FSTL5: variants seen among roughly 807,000 people sequenced by gnomAD.
The protein encoded by FSTL5 is follistatin like 5, also known as follistatin-related protein 5.
Under a neutral mutation model 89.1 loss-of-function variants are expected in FSTL5, and 62 were observed. The ratio of observed to expected loss-of-function variants is 0.70; its 90% CI spans 0.57 to 0.86. FSTL5 has a LOEUF of 0.86. Among genes scored for constraint, FSTL5 ranks in the 40% least tolerant of loss-of-function variants. The pLI is 0.00. For missense variants in FSTL5, 1,057 were observed against 1,001.6 expected (o/e 1.06, Z -0.75); for synonymous variants, 383 against 346.2 (o/e 1.11, Z -1.18).
chr4:161,387,607 A>T (rs1486101404), intron 15 of FSTL5: 1 of 152,044 alleles, frequency 6.6e-6, no homozygotes, highest in Non-Finnish European at 1.5e-5. Context: ...ATATCTCTTT[A>T]AAATTTTAAA....
chr4:161,396,514 C>T (rs1458046251), intron 15 of FSTL5, among the ~76,000 whole-genome samples: 6 of 149,892 alleles, frequency 4.0e-5, no homozygotes, highest in East Asian at 2.0e-4. Context: ...ATTAGCTAGA[C>T]GTGGTGGCAT....
intron 3 of FSTL5, among the ~76,000 whole-genome samples, chr4:161,974,175 C>T (rs1578907297): frequency 6.6e-6 from 1 of 152,208 alleles, no homozygotes; most frequent in Admixed American, 6.5e-5. Context: ...TGAAAATGGC[C>T]ATACTGCCCA....
chr4:161,802,076 T>C (rs1408505875), intron 4 of FSTL5, among the ~76,000 whole-genome samples: 1 of 151,720 alleles, frequency 6.6e-6, no homozygotes, highest in Non-Finnish European at 1.5e-5. Flanking sequence ...ATTCTGTTCA[T>C]GAAAAGAAGC....
intron 15 of FSTL5, among the ~76,000 whole-genome samples, chr4:161,443,557 G>A (rs1459488576): frequency 6.6e-6 from 1 of 151,750 alleles, no homozygotes; most frequent in African/African-American, 2.4e-5. Context: ...TCCTATTGGA[G>A]CCTGGAATTG....
rs371351449 is a variant in FSTL5 at position 161,823,376 on chromosome 4, C to T, written c.410-47302G>A. 4.6e-5 allele frequency among the ~76,000 whole-genome samples: 7 copies of T among 152,288 alleles called. No homozygotes were observed. In the East Asian group the frequency reaches 7.8e-4, roughly 17 times the overall value. On this transcript the variant is annotated intron_variant, in intron 4 of 15. Coordinates refer to ENST00000306100, the MANE Select transcript of FSTL5 (RefSeq NM_020116.5). Reference sequence around the variant, plus strand: ...TCAGAGCCCCCTGGCCTCCCTCCCTCGTCAATGCCAAAAGTTTCAGAGGGG... The same window carrying T: ...TCAGAGCCCCCTGGCCTCCCTCCCTTGTCAATGCCAAAAGTTTCAGAGGGG...
chr4:161,695,424 CGTGT>C (rs151205054), intron 6 of FSTL5, among the ~76,000 whole-genome samples: 3 of 134,248 alleles, frequency 2.2e-5, no homozygotes, highest in African/African-American at 5.4e-5. Context: ...CCATGGTGTA[CGTGT>C]GTGTGTGTGT....
intron 3 of FSTL5, among the ~76,000 whole-genome samples, chr4:161,958,559 A>C (rs1735087293): frequency 6.6e-6 from 1 of 152,140 alleles, no homozygotes; most frequent in South Asian, 2.1e-4. Context: ...GAACAATGTG[A>C]AATTTGGCCC....
chr4:162,136,296 G>GT (rs1264676407), intron 1 of FSTL5, among the ~76,000 whole-genome samples: 1 of 152,104 alleles, frequency 6.6e-6, no homozygotes, highest in Non-Finnish European at 1.5e-5. Context: ...GGGCAAGACT[G>GT]TAAGGGATGA....
chr4:161,527,534 A>C (rs1253511685), intron 10 of FSTL5, among the ~76,000 whole-genome samples: 1 of 152,200 alleles, frequency 6.6e-6, no homozygotes, highest in Non-Finnish European at 1.5e-5. Context: ...GCCAAAAAAC[A>C]CATGAAAAAA....
At chr4:162,066,184 T>G (rs1042841140) in intron 2 of FSTL5, among the ~76,000 whole-genome samples, 4 of 152,006 alleles carry the variant, frequency 2.6e-5, no homozygotes, top group African/African-American at 4.8e-5. Context: ...ATCTCTGAAT[T>G]TATTGAATAT....
chr4:161,674,170 A>C (rs1737219372), intron 6 of FSTL5, among the ~76,000 whole-genome samples: 1 of 152,116 alleles, frequency 6.6e-6, no homozygotes, highest in African/African-American at 2.4e-5. Context: ...GAAGCTTTAA[A>C]AGCACAGATA....
intron 3 of FSTL5, among the ~76,000 whole-genome samples, chr4:161,967,898 A>G (rs1452819589): frequency 6.6e-6 from 1 of 152,122 alleles, no homozygotes; most frequent in Non-Finnish European, 1.5e-5. Context: ...ACAAATCTTG[A>G]AAGTGATAAT....
chr4:161,845,415 T>A (rs1027298617), intron 4 of FSTL5, among the ~76,000 whole-genome samples: 3 of 152,208 alleles, frequency 2.0e-5, no homozygotes, highest in African/African-American at 7.2e-5. Context: ...AGAACCAGTT[T>A]ACAACCACAC....
At chr4:162,107,992 G>A (rs1293197038) in intron 2 of FSTL5, among the ~76,000 whole-genome samples, 1 of 152,062 alleles carries the variant, frequency 6.6e-6, no homozygotes, top group Non-Finnish European at 1.5e-5. Flanking sequence ...CATGATATGA[G>A]TATGCAATAT....
chr4:161,388,454 T>A (rs1018960334), intron 15 of FSTL5: 1 of 151,984 alleles, frequency 6.6e-6, no homozygotes, highest in Non-Finnish European at 1.5e-5. Flanking sequence ...GTCAACTGAG[T>A]CCCATATTTC....
chr4:161,671,338 T>C (rs568095931), intron 6 of FSTL5, among the ~76,000 whole-genome samples: 1 of 152,226 alleles, frequency 6.6e-6, no homozygotes, highest in African/African-American at 2.4e-5. Flanking sequence ...TTTTTGAAAA[T>C]AAAGTTGTGT....
At chr4:161,547,938 TTAAC>T (rs1417009510) in intron 8 of FSTL5, among the ~76,000 whole-genome samples, 5 of 151,896 alleles carry the variant, frequency 3.3e-5, no homozygotes, top group African/African-American at 1.2e-4. Flanking sequence ...AACAAATATA[TTAAC>T]TATCTACAAA....
At chr4:162,122,270 C>G (rs1579045337) in intron 1 of FSTL5, among the ~76,000 whole-genome samples, 1 of 152,232 alleles carries the variant, frequency 6.6e-6, no homozygotes, top group East Asian at 1.9e-4. Flanking sequence ...CATCATTCTA[C>G]TTGTGGCTGG....
At position 161,384,000 on chromosome 4, in the gene FSTL5, T is replaced by C. The variant is rs1052149058; in HGVS notation, c.*1747A>G. 4 of 152,198 alleles carry C rather than the reference T, an allele frequency of 2.6e-5. No individual in the cohort carries two copies. The highest frequency in any genetic ancestry group is 5.9e-5 in the Non-Finnish European group (4 of 68,018). The allele number at this position is 152,198 out of a possible 1,614,324, so 9.4% of individuals were successfully genotyped here. A position where few individuals can be genotyped will look rare whatever the true frequency, so the allele number is the denominator to read the frequency against. The stretch of plus-strand genomic sequence containing the variant: ...GAAGGATGTATGCGACAGACTTACA[T>C]GAAATCATTAAGTCACAGACACTTT... On this transcript the variant is annotated 3_prime_UTR_variant, in exon 16 of 16. Transcript: ENST00000306100.
Sources: gnomAD v4.1 joint callset for allele counts (sites outside exome capture counted in the v4.1 genomes callset) on GRCh38, gnomAD v4.1.1 for gene constraint, MANE v1.5 for transcripts, NCBI Gene and HGNC (gene_info 2026-07-23, HGNC 2026-07-21) for gene names.